Variants in AK6 observed in about 807,000 individuals in gnomAD.
AK6 encodes the protein adenylate kinase 6.
AK6 carries 24 observed loss-of-function variants against 23.7 expected under a neutral mutation model. The observed-to-expected ratio is 1.01, with a 90% CI of 0.73 to 1.43. The LOEUF (loss-of-function observed/expected upper bound fraction) is 1.43. Ranked by LOEUF, AK6 falls within the 40% of genes most tolerant of loss-of-function variation. AK6 has a pLI of 0.00. For missense variants in AK6, 191 were observed against 199.1 expected, an observed-to-expected ratio of 0.96 and a Z score of 0.24; for synonymous variants, 73 against 69.8, an observed-to-expected ratio of 1.05 and a Z score of -0.23.
At chr5:69,369,716 T>C, upstream of AK6, 1 of 1,550,954 alleles carries the variant, frequency 6.4e-7, no homozygotes, top group African/African-American at 1.4e-5. Flanking sequence ...CTCGGGTCGG[T>C]ACTTCGGGTC....
chr5:69,369,644 G>A (rs1198612279), upstream of AK6: 24 of 1,562,978 alleles, frequency 1.5e-5, no homozygotes, highest in Non-Finnish European at 2.1e-5. Flanking sequence ...CCCAGCCGCG[G>A]CCCACTGGTT....
At chr5:69,352,286 C>G (rs779141576) in intron 4 of AK6, 33 bp from the exon 5 acceptor site, 53 of 1,547,516 alleles carry the variant, frequency 3.4e-5, no homozygotes, top group Non-Finnish European at 4.5e-5. Context: ...AAACAAGAAG[C>G]AAAATAAATG....
intron 2 of AK6, among the ~76,000 whole-genome samples, chr5:69,359,281 G>A (rs1469892577): frequency 6.6e-6 from 1 of 151,030 alleles, no homozygotes; most frequent in East Asian, 1.9e-4. Context: ...TTTCACTCTC[G>A]TCACCCACGC....
intron 2 of AK6, chr5:69,365,050 T>C (rs1372833631): frequency 6.2e-7 from 1 of 1,614,192 alleles, no homozygotes; most frequent in Non-Finnish European, 8.5e-7. Flanking sequence ...GATGACATCA[T>C]ATTAGTGGTA....
At chr5:69,364,677 T>C (rs1295478611) in intron 2 of AK6, 1 of 550,182 alleles carries the variant, frequency 1.8e-6, no homozygotes, top group Admixed American at 3.3e-5. Flanking sequence ...CTGCCAACTG[T>C]TACTCCTCTT....
chr5:69,358,014 C>CA (rs1186892155), intron 2 of AK6, among the ~76,000 whole-genome samples: 1 of 151,984 alleles, frequency 6.6e-6, no homozygotes, highest in Non-Finnish European at 1.5e-5. Flanking sequence ...GTGTAAAACA[C>CA]AAAAAGCAGA....
At position 69,359,986 on chromosome 5, in the gene AK6, G is replaced by C. The variant is rs535145128; in HGVS notation, c.122-4033C>G. On this transcript the variant is annotated intron_variant, in intron 2 of 4. Transcript: ENST00000380822. The stretch of plus-strand genomic sequence containing the variant: ...AGGAAGATAAGGAAACCTATAAAGA[G>C]AACAGCATGCATAAATACTCGAGGT... Among the ~76,000 whole-genome samples the C allele has an allele frequency of 5.9e-5, 9 of 152,348 alleles. No individual in the cohort carries two copies. The South Asian group carries it at 1.7e-3, about 28-fold the overall frequency.
intron 2 of AK6, among the ~76,000 whole-genome samples, chr5:69,360,074 G>A (rs1193772958): frequency 3.9e-5 from 6 of 152,124 alleles, no homozygotes; most frequent in African/African-American, 2.4e-5. Flanking sequence ...GGGAGAGAAC[G>A]GCTGCAGGTA....
At chr5:69,367,653 AG>A (rs1762514417) in intron 1 of AK6, among the ~76,000 whole-genome samples, 2 of 152,078 alleles carry the variant, frequency 1.3e-5, no homozygotes, top group South Asian at 4.1e-4. Flanking sequence ...CCTGGGCTCA[AG>A]CAATCCTCCC....
intron 2 of AK6, among the ~76,000 whole-genome samples, chr5:69,363,442 G>A (rs1483566161): frequency 6.6e-6 from 1 of 152,166 alleles, no homozygotes; most frequent in East Asian, 1.9e-4. Context: ...TGTCAAAAAT[G>A]GTGGTGTTCA....
intron 2 of AK6, chr5:69,365,738 G>A (rs1218759784): frequency 3.3e-5 from 50 of 1,529,512 alleles, no homozygotes; most frequent in Non-Finnish European, 4.3e-5. Context: ...CAGACTCCAT[G>A]ATATCCGATG....
At chr5:69,369,658 T>G (rs1013340165), upstream of AK6, 2 of 1,558,980 alleles carry the variant, frequency 1.3e-6, no homozygotes, top group South Asian at 1.2e-5. Context: ...ACTGGTTACC[T>G]GGCTTTCGAT....
intron 2 of AK6, among the ~76,000 whole-genome samples, chr5:69,358,486 C>T (rs1387414674): frequency 4.3e-5 from 6 of 139,516 alleles, no homozygotes; most frequent in Non-Finnish European, 7.6e-5. Flanking sequence ...CCACTGCACT[C>T]CAGCCTGGGT....
At chr5:69,355,332 G>A (rs1467461492) in intron 4 of AK6, among the ~76,000 whole-genome samples, 6 of 152,044 alleles carry the variant, frequency 3.9e-5, no homozygotes, top group East Asian at 1.9e-4. Flanking sequence ...CCAAGAGTTC[G>A]AGACCAGTCT....
intron 1 of AK6, among the ~76,000 whole-genome samples, chr5:69,368,293 C>T (rs545010169): frequency 5.9e-5 from 9 of 152,274 alleles, no homozygotes; most frequent in South Asian, 4.1e-4. Context: ...TCATCAAATT[C>T]ATAATTTTCA....
In AK6 at chr5:69,355,927, C is replaced by T. The variant is rs771245006; in HGVS notation, c.148G>A (p.Glu50Lys). 6 of 1,609,402 alleles carry T rather than the reference C, an allele frequency of 3.7e-6. No individual in the cohort carries two copies. Among genetic ancestry groups the T allele is most frequent in the South Asian group, 1.1e-5 (1 of 89,598 alleles). ...EEQLYDGYDE[E>K]YDCPILDEDR... is the part of the protein sequence containing the mutation. ...TCATCTAAAATGGGACAGTCATACT[C>T]TTCATCATAGCCATCATACAATTGC... is the stretch of plus-strand genomic sequence containing the variant. The change falls in exon 3 of 5, where the codon GAG becomes AAG. Residue 50 changes from glutamate (E) to lysine (K), a missense_variant. By Grantham distance (56) the Glu-to-Lys change is moderately conservative. Coordinates refer to ENST00000380822, the MANE Select transcript of AK6 (RefSeq NM_016283.5).
chr5:69,353,917 A>C (rs1401867180), intron 4 of AK6, among the ~76,000 whole-genome samples: 3 of 143,804 alleles, frequency 2.1e-5, no homozygotes, highest in African/African-American at 7.6e-5. Flanking sequence ...CCACAGGTGC[A>C]TGCCACCACA....
intron 2 of AK6, among the ~76,000 whole-genome samples, chr5:69,363,039 G>A (rs1762283287): frequency 6.6e-6 from 1 of 151,970 alleles, no homozygotes; most frequent in Non-Finnish European, 1.5e-5. Context: ...CCAGCCTGGG[G>A]AACAAAGCCA....
chr5:69,355,991 T>G, intron 2 of AK6, 38 bp from the exon 3 acceptor site: 2 of 1,503,922 alleles, frequency 1.3e-6, no homozygotes. Context: ...AAATATTTTC[T>G]AAGTAACTTT....
Sources: gnomAD v4.1 joint callset for allele counts (sites outside exome capture counted in the v4.1 genomes callset) on GRCh38, gnomAD v4.1.1 for gene constraint, MANE v1.5 for transcripts, NCBI Gene and HGNC (gene_info 2026-07-23, HGNC 2026-07-21) for gene names.